PTPRZ1: variants seen among roughly 807,000 people sequenced by gnomAD.
The protein encoded by PTPRZ1 is protein tyrosine phosphatase receptor type Z1.
A neutral mutation model predicts 214.1 loss-of-function variants in PTPRZ1; 82 were observed. That is an observed-to-expected ratio of 0.38 (90% CI 0.32 to 0.46). The LOEUF is 0.46. PTPRZ1 is among the 20% of genes least tolerant of loss of function. PTPRZ1 has a pLI of 1.00. For missense variants in PTPRZ1, 2,603 were observed against 2,748.7 expected, an observed-to-expected ratio of 0.95 and a Z score of 1.19; for synonymous variants, 945 against 987.9, an observed-to-expected ratio of 0.96 and a Z score of 0.81.
At position 121,963,299 on chromosome 7, in the gene PTPRZ1, G is replaced by A. The variant is rs181031507; in HGVS notation, c.125-4652G>A. 1.1e-3 allele frequency among the ~76,000 whole-genome samples: 167 copies of A among 152,332 alleles called. 2 individuals carry two copies. The highest frequency in any genetic ancestry group is 3.2e-4 in the Non-Finnish European group (22 of 68,022). On this transcript the variant is annotated intron_variant, in intron 2 of 29. Coordinates refer to ENST00000393386, the MANE Select transcript of PTPRZ1 (RefSeq NM_002851.3). The stretch of plus-strand genomic sequence containing the variant: ...AGAGAGAAAGAAGTCAGGACAGGCT[G>A]CTTGTAAGGGTGAGACAGCAAAAAC...
In PTPRZ1 at chr7:122,010,487, C is replaced by T. The variant is rs538832779; in HGVS notation, c.1441C>T (p.Arg481Ter). 2 of 1,614,040 alleles carry T rather than the reference C, an allele frequency of 1.2e-6. No homozygotes were observed. Among genetic ancestry groups the T allele is most frequent in the African/African-American group, 1.3e-5 (1 of 75,032 alleles). ...GAAATACAATGAAGCCAAGACTAAC[C>T]GATCCCCAACAAGAGGAAGTGAATT... is the stretch of plus-strand genomic sequence containing the variant. ...GTKYNEAKTNRSPTRGSEFSG... is the reference protein window; with the variant it reads ...GTKYNEAKTN The change falls in exon 12 of 30, where the codon CGA (arginine) becomes TGA (stop). Residue 481 changes from arginine (R) to a stop codon, truncating the protein, a stop_gained. Coordinates refer to ENST00000393386, the MANE Select transcript of PTPRZ1 (RefSeq NM_002851.3). LOFTEE classifies it high-confidence loss of function.
chr7:122,022,893 C>T (rs1448945106), intron 13 of PTPRZ1, among the ~76,000 whole-genome samples: 4 of 152,088 alleles, frequency 2.6e-5, no homozygotes, highest in Admixed American at 6.6e-5. Flanking sequence ...TCAATGGAAT[C>T]GAACTGAGAA....
chr7:121,914,730 T>G (rs965709990), intron 1 of PTPRZ1, among the ~76,000 whole-genome samples: 9 of 152,180 alleles, frequency 5.9e-5, no homozygotes, highest in Non-Finnish European at 8.8e-5. Context: ...ATGGGATTGT[T>G]GAGGACCGTG....
At chr7:121,922,549 T>C (rs1196254969) in intron 1 of PTPRZ1, among the ~76,000 whole-genome samples, 1 of 152,136 alleles carries the variant, frequency 6.6e-6, no homozygotes, top group African/African-American at 2.4e-5. Context: ...CATTCCAGCC[T>C]GGGTGACAGA....
chr7:121,930,143 CA>C lies in PTPRZ1; in HGVS notation c.124+1923del, dbSNP rs200571993. On this transcript the variant is annotated intron_variant, in intron 2 of 29. Transcript: ENST00000393386. Reference sequence around the variant, plus strand: ...AAAACAATCAAGATGTTTATCAGAGCAGGAAGAGTGAACAAATTAAGGCACA... The same window carrying C: ...AAAACAATCAAGATGTTTATCAGAGCGGAAGAGTGAACAAATTAAGGCACA... 4.6e-5 allele frequency among the ~76,000 whole-genome samples: 7 copies of C among 152,008 alleles called. No individual in the cohort carries two copies. The East Asian group carries it at 1.2e-3, about 25-fold the overall frequency.
intron 13 of PTPRZ1, among the ~76,000 whole-genome samples, chr7:122,021,047 T>C (rs1369528660): frequency 1.3e-5 from 2 of 152,066 alleles, no homozygotes; most frequent in East Asian, 3.9e-4. Context: ...TTAATGGGAG[T>C]CAGTGTTAAG....
intron 4 of PTPRZ1, among the ~76,000 whole-genome samples, chr7:121,974,222 A>G (rs1435730783): frequency 2.0e-5 from 3 of 152,146 alleles, no homozygotes; most frequent in African/African-American, 4.8e-5. Context: ...TCTTTATTCA[A>G]TATTTTTAAA....
chr7:122,018,381 G>A (rs1798909821), intron 12 of PTPRZ1, among the ~76,000 whole-genome samples: 1 of 152,074 alleles, frequency 6.6e-6, no homozygotes, highest in African/African-American at 2.4e-5. Context: ...TACCTGACTG[G>A]CCCCCAAAAT....
At chr7:122,057,420 A>G (rs1179609616) in intron 27 of PTPRZ1, among the ~76,000 whole-genome samples, 1 of 151,756 alleles carries the variant, frequency 6.6e-6, no homozygotes, top group African/African-American at 2.4e-5. Context: ...TTTTATACAT[A>G]TTATTTTTAC....
At chr7:122,056,040 G>A (rs1195479892) in intron 27 of PTPRZ1, among the ~76,000 whole-genome samples, 2 of 151,842 alleles carry the variant, frequency 1.3e-5, no homozygotes, top group East Asian at 3.9e-4. Flanking sequence ...GTAAAATGAA[G>A]GGCAGAAACT....
intron 24 of PTPRZ1, 134 bp downstream of exon 24, chr7:122,051,655 C>A: frequency 1.2e-6 from 1 of 860,702 alleles, no homozygotes; most frequent in Non-Finnish European, 1.8e-6. Flanking sequence ...CAATATGTAA[C>A]TGTTCCAAAG....
chr7:122,046,840 A>C (rs1376898464), intron 23 of PTPRZ1, among the ~76,000 whole-genome samples: 2 of 152,184 alleles, frequency 1.3e-5, no homozygotes, highest in Non-Finnish European at 2.9e-5. Flanking sequence ...TGGCCTGAAG[A>C]AATGGATTTG....
At chr7:121,936,336 G>A (rs998764205) in intron 2 of PTPRZ1, among the ~76,000 whole-genome samples, 3 of 152,160 alleles carry the variant, frequency 2.0e-5, no homozygotes, top group Admixed American at 2.0e-4. Flanking sequence ...TTTTGACTTA[G>A]GGATTTTATT....
chr7:121,963,956 G>C (rs1796960729), intron 2 of PTPRZ1, among the ~76,000 whole-genome samples: 1 of 152,076 alleles, frequency 6.6e-6, no homozygotes, highest in Non-Finnish European at 1.5e-5. Flanking sequence ...GTGTAGTTCA[G>C]ACTTCAGGTA....
Position 122,013,100 on chromosome 7 carries a change from A to G in PTPRZ1, c.4054A>G (p.Ile1352Val). ...SSVTGKVFAGIPTVASDTFVS... is the reference protein window; with the variant it reads ...SSVTGKVFAGVPTVASDTFVS... ...TGTTACTGGTAAGGTATTTGCTGGT[A>G]TTCCAACAGTTGCTTCTGATACATT... Residue 1352 changes from isoleucine to valine, a missense_variant, in exon 12 of 30, where the codon ATT becomes GTT. By Grantham distance (29) the Ile-to-Val change is conservative (BLOSUM62 3). Around this residue, in one of 6 missense-constraint regions of PTPRZ1, gnomAD observed 1,913 missense variants for 1,914.3 expected, o/e 1.00. Coordinates refer to ENST00000393386, the MANE Select transcript of PTPRZ1 (RefSeq NM_002851.3). 6.2e-7 allele frequency: 1 copy of G among 1,613,926 alleles called. No individual in the cohort carries two copies. The highest frequency in any genetic ancestry group is 8.5e-7 in the Non-Finnish European group (1 of 1,179,752).
At chr7:121,948,272 C>CA (rs938460962) in intron 2 of PTPRZ1, among the ~76,000 whole-genome samples, 1 of 151,708 alleles carries the variant, frequency 6.6e-6, no homozygotes, top group East Asian at 1.9e-4. Context: ...AGAAAAAGAC[C>CA]AAAAAAAGCA....
intron 2 of PTPRZ1, among the ~76,000 whole-genome samples, chr7:121,953,893 G>A (rs1259637783): frequency 3.3e-5 from 5 of 152,126 alleles, no homozygotes; most frequent in African/African-American, 1.2e-4. Context: ...AAGGGACTCA[G>A]CAATCAGTTC....
chr7:121,942,555 T>C (rs562053181), intron 2 of PTPRZ1, among the ~76,000 whole-genome samples: 1 of 152,350 alleles, frequency 6.6e-6, no homozygotes, highest in East Asian at 1.9e-4. Context: ...CTGTTTTACT[T>C]TCATTTATGG....
At chr7:121,975,249 A>G (rs1447446876) in intron 4 of PTPRZ1, among the ~76,000 whole-genome samples, 1 of 152,162 alleles carries the variant, frequency 6.6e-6, no homozygotes, top group Non-Finnish European at 1.5e-5. Flanking sequence ...GGTCAGAAAA[A>G]AGTTTGCTTA....
Sources: gnomAD v4.1 joint callset for allele counts (sites outside exome capture counted in the v4.1 genomes callset) on GRCh38, gnomAD v4.1.1 for gene constraint, gnomAD v4.1.1 regional missense constraint, MANE v1.5 for transcripts, NCBI Gene and HGNC (gene_info 2026-07-23, HGNC 2026-07-21) for gene names.